MYO1B: variants seen among roughly 807,000 people sequenced by gnomAD.
MYO1B encodes the protein unconventional myosin-Ib.
MYO1B carries 72 observed loss-of-function variants against 159.7 expected under a neutral mutation model. That is an observed-to-expected ratio of 0.45 (90% confidence interval 0.37 to 0.55). MYO1B has a LOEUF of 0.55. Ranked by LOEUF, MYO1B falls within the 20% of genes least tolerant of loss-of-function variation. The probability of loss-of-function intolerance (pLI) is 0.00; values close to 1 mark genes in which losing one functional copy is unlikely to be tolerated. For synonymous variants in MYO1B, 468 were observed against 473.8 expected (o/e 0.99, Z 0.16); for missense variants, 1,062 against 1,364.8 (o/e 0.78, Z 3.50).
Position 191,364,250 on chromosome 2 carries a change from G to A in MYO1B, c.1006G>A (p.Val336Ile). Residue 336 changes from valine (V) to isoleucine (I), a missense_variant, in exon 11 of 31, where the codon GTT becomes ATT. By Grantham distance (29) the Val-to-Ile change is conservative. Around this residue, in one of 5 missense-constraint regions of MYO1B, gnomAD observed 415 missense variants for 544.0 expected, o/e 0.76. Transcript: ENST00000392318. ...AACAGTTGAGGCCAAACAGGAGAAA[G>A]TTTCAACTACACTGAATGTGGCTCA... is the stretch of plus-strand genomic sequence containing the variant. The part of the protein sequence containing the change: ...FRTVEAKQEK[V>I]STTLNVAQAY... 2 of 1,613,740 alleles carry A rather than the reference G, an allele frequency of 1.2e-6. No homozygotes were observed. Among genetic ancestry groups the A allele is most frequent in the Non-Finnish European group, 1.7e-6 (2 of 1,179,686 alleles).
intron 30 of MYO1B, among the ~76,000 whole-genome samples, chr2:191,420,269 T>C (rs943729979): frequency 6.6e-6 from 1 of 152,140 alleles, no homozygotes; most frequent in Non-Finnish European, 1.5e-5. Context: ...AAAGTTACAG[T>C]AAGCAAAGGT....
chr2:191,372,029 GT>G (rs2126043227), intron 13 of MYO1B, among the ~76,000 whole-genome samples: 1 of 152,344 alleles, frequency 6.6e-6, no homozygotes, highest in South Asian at 2.1e-4. Context: ...AAGACCTCAA[GT>G]TACTATCACT....
At chr2:191,353,957 T>C (rs578187293) in intron 7 of MYO1B, among the ~76,000 whole-genome samples, 4 of 152,292 alleles carry the variant, frequency 2.6e-5, no homozygotes, top group African/African-American at 9.6e-5. Flanking sequence ...GACCAGCAAC[T>C]AAAATAGTGT....
At chr2:191,383,547 C>CATAT (rs1177171872) in intron 15 of MYO1B, among the ~76,000 whole-genome samples, 2 of 14,548 alleles carry the variant, frequency 1.4e-4, no homozygotes, top group South Asian at 9.8e-3. Context: ...CACACACACA[C>CATAT]ATATATATAT....
intron 12 of MYO1B, among the ~76,000 whole-genome samples, 154 bp downstream of exon 12, chr2:191,369,782 T>C (rs965736697): frequency 2.6e-5 from 4 of 152,194 alleles, no homozygotes; most frequent in African/African-American, 9.7e-5. Context: ...AGATTGAAAT[T>C]TGTCAGGGAT....
At chr2:191,349,804 C>T (rs1003649765) in intron 6 of MYO1B, among the ~76,000 whole-genome samples, 3 of 152,220 alleles carry the variant, frequency 2.0e-5, no homozygotes, top group Non-Finnish European at 4.4e-5. Flanking sequence ...AAAAGACTAT[C>T]TTCCCAACCA....
intron 15 of MYO1B, 102 bp from the exon 16 acceptor site, chr2:191,385,782 T>C (rs1273196642): frequency 3.2e-6 from 4 of 1,253,320 alleles, no homozygotes; most frequent in Non-Finnish European, 4.5e-6. Context: ...GAACAGACTT[T>C]TCTTGTGACT....
At chr2:191,396,600 C>A in intron 21 of MYO1B, 103 bp downstream of exon 21, 2 of 1,043,252 alleles carry the variant, frequency 1.9e-6, no homozygotes, top group South Asian at 1.3e-5. Flanking sequence ...TCCTCTGTCT[C>A]CTGCCTCGCC....
intron 6 of MYO1B, among the ~76,000 whole-genome samples, chr2:191,346,497 T>G (rs1441984813): frequency 1.3e-5 from 2 of 152,222 alleles, no homozygotes; most frequent in Non-Finnish European, 2.9e-5. Flanking sequence ...TCATGTTTTC[T>G]TGACATCTTC....
intron 11 of MYO1B, among the ~76,000 whole-genome samples, chr2:191,367,188 A>G (rs1021156200): frequency 4.6e-5 from 7 of 152,032 alleles, no homozygotes; most frequent in Non-Finnish European, 1.0e-4. Context: ...AGTGGTCCTT[A>G]AGTGGGAATA....
intron 8 of MYO1B, among the ~76,000 whole-genome samples, chr2:191,361,117 TGAG>T (rs1693645170): frequency 6.6e-6 from 1 of 152,328 alleles, no homozygotes; most frequent in East Asian, 1.9e-4. Flanking sequence ...TCCGATGTGT[TGAG>T]GACTGTGCAG....
At chr2:191,280,931 A>C (rs760346042) in intron 2 of MYO1B, among the ~76,000 whole-genome samples, 3 of 152,230 alleles carry the variant, frequency 2.0e-5, no homozygotes, top group Non-Finnish European at 4.4e-5. Flanking sequence ...CTTGCTTCTC[A>C]GACTTTTCTG....
At chr2:191,249,975 A>T (rs1686017111) in intron 1 of MYO1B, among the ~76,000 whole-genome samples, 1 of 152,244 alleles carries the variant, frequency 6.6e-6, no homozygotes, top group Non-Finnish European at 1.5e-5. Flanking sequence ...TTACACTCTT[A>T]CAGCCTTTGG....
intron 7 of MYO1B, among the ~76,000 whole-genome samples, chr2:191,355,907 C>T (rs1213026967): frequency 6.6e-6 from 1 of 152,088 alleles, no homozygotes; most frequent in Non-Finnish European, 1.5e-5. Flanking sequence ...TTGTTTTTTT[C>T]ACATTTCTTT....
Position 191,350,166 on chromosome 2 carries a change from A to C in MYO1B, c.503A>C (p.Lys168Thr). The part of the protein sequence containing the change: ...VRNDNSSRFG[K>T]YMDIEFDFKG... ...CACAAAATCTTTCTTTGGCAGGGCA[A>C]ATATATGGATATTGAATTTGACTTT... is the stretch of plus-strand genomic sequence containing the variant. Residue 168 changes from lysine to threonine, a missense_variant, in exon 7 of 31, where the codon AAA becomes ACA. Transcript: ENST00000392318. 1 of 1,612,712 alleles carries C rather than the reference A, an allele frequency of 6.2e-7. No homozygotes were observed.
At chr2:191,388,703 A>AT (rs1007594103) in intron 17 of MYO1B, among the ~76,000 whole-genome samples, 38 of 149,736 alleles carry the variant, frequency 2.5e-4, no homozygotes, top group Admixed American at 1.0e-3. Context: ...AATTGAATGA[A>AT]TTTTTTTTTT....
chr2:191,253,633 C>G (rs2125664381), intron 1 of MYO1B, among the ~76,000 whole-genome samples: 1 of 152,186 alleles, frequency 6.6e-6, no homozygotes, highest in South Asian at 2.1e-4. Flanking sequence ...CTTACACATT[C>G]ATATGGTTAA....
intron 13 of MYO1B, among the ~76,000 whole-genome samples, chr2:191,373,111 A>C (rs1335493347): frequency 6.6e-6 from 1 of 151,874 alleles, no homozygotes; most frequent in Non-Finnish European, 1.5e-5. Context: ...CAGCCTCCCA[A>C]AGTGCAGGGA....
intron 2 of MYO1B, among the ~76,000 whole-genome samples, chr2:191,295,556 G>A (rs1163226615): frequency 1.3e-5 from 2 of 152,150 alleles, no homozygotes; most frequent in African/African-American, 2.4e-5. Flanking sequence ...TGGTTTGAAT[G>A]TCCAAGAGAT....
Sources: gnomAD v4.1 joint callset for allele counts (sites outside exome capture counted in the v4.1 genomes callset) on GRCh38, gnomAD v4.1.1 for gene constraint, gnomAD v4.1.1 regional missense constraint, MANE v1.5 for transcripts, NCBI Gene and HGNC (gene_info 2026-07-23, HGNC 2026-07-21) for gene names.